CARMIL1: variants seen among roughly 807,000 people sequenced by gnomAD.
The protein encoded by CARMIL1 is F-actin-uncapping protein LRRC16A.
In CARMIL1, 90 loss-of-function variants were observed where a neutral mutation model predicts 177.1. The ratio of observed to expected loss-of-function variants is 0.51; its 90% CI spans 0.43 to 0.61. CARMIL1 has a LOEUF of 0.61. Among genes scored for constraint, CARMIL1 ranks in the 20% least tolerant of loss-of-function variants. CARMIL1 has a pLI of 0.00. For synonymous variants in CARMIL1, 577 were observed against 606.2 expected, an observed-to-expected ratio of 0.95 and a Z score of 0.71; for missense variants, 1,380 against 1,667.0, an observed-to-expected ratio of 0.83 and a Z score of 3.00.
At chr6:25,588,607 G>A (rs75594716) in intron 31 of CARMIL1, among the ~76,000 whole-genome samples, 4,685 of 152,280 alleles carry the variant, frequency 0.031, 84 homozygotes, top group Non-Finnish European at 0.048. Context: ...CAGGGATGGA[G>A]GCATGCTTAT....
intron 2 of CARMIL1, among the ~76,000 whole-genome samples, chr6:25,303,664 G>A (rs1010909669): frequency 2.0e-5 from 3 of 152,162 alleles, no homozygotes; most frequent in Non-Finnish European, 4.4e-5. Context: ...TTACACAAAG[G>A]GACTCTGTTT....
In CARMIL1 at chr6:25,556,696, T is replaced by TC. The variant is rs776341048; in HGVS notation, c.2593-4dup. 6.2e-6 allele frequency: 10 copies of TC among 1,612,092 alleles called. No individual in the cohort carries two copies. In the South Asian group the frequency reaches 1.1e-4, roughly 18 times the overall value. On this transcript the variant is annotated splice_polypyrimidine_tract_variant and splice_region_variant and intron_variant, in intron 28 of 36. Coordinates refer to ENST00000329474, the MANE Select transcript of CARMIL1 (RefSeq NM_017640.6). ...TTTCTCCTCGTACACGTCTTGACCT[T>TC]CTAGGCTGACCATTTCAGCAGACGT...
intron 35 of CARMIL1, among the ~76,000 whole-genome samples, chr6:25,608,272 C>A (rs946728607): frequency 4.6e-5 from 7 of 152,112 alleles, no homozygotes; most frequent in African/African-American, 1.4e-4. Flanking sequence ...GAGAGAGAGA[C>A]CACATTCAGA....
At chr6:25,410,711 C>T (rs1794829901) in intron 2 of CARMIL1, among the ~76,000 whole-genome samples, 2 of 152,160 alleles carry the variant, frequency 1.3e-5, no homozygotes. Flanking sequence ...CCTTATTAGT[C>T]CCTGCTTCTC....
intron 16 of CARMIL1, among the ~76,000 whole-genome samples, chr6:25,499,472 A>G (rs979658628): frequency 1.1e-4 from 16 of 152,120 alleles, no homozygotes; most frequent in African/African-American, 3.4e-4. Flanking sequence ...ATGGTGTTGG[A>G]TTTTATAGGA....
intron 11 of CARMIL1, among the ~76,000 whole-genome samples, chr6:25,476,487 C>T (rs1250314568): frequency 6.6e-6 from 1 of 152,212 alleles, no homozygotes; most frequent in Non-Finnish European, 1.5e-5. Context: ...TATCTCCCAC[C>T]TTTCTTTACT....
intron 4 of CARMIL1, among the ~76,000 whole-genome samples, chr6:25,428,874 A>T (rs1796492436): frequency 6.6e-6 from 1 of 152,170 alleles, no homozygotes; most frequent in Non-Finnish European, 1.5e-5. Context: ...TTGACCTTAT[A>T]TCCTGTAACC....
At chr6:25,534,293 C>T (rs752730719) in intron 24 of CARMIL1, among the ~76,000 whole-genome samples, 1 of 152,016 alleles carries the variant, frequency 6.6e-6, no homozygotes, top group African/African-American at 2.4e-5. Flanking sequence ...AAATGACGCT[C>T]TGTGCCTTGG....
intron 31 of CARMIL1, among the ~76,000 whole-genome samples, chr6:25,584,638 G>C (rs1288463495): frequency 6.6e-6 from 1 of 151,692 alleles, no homozygotes; most frequent in Non-Finnish European, 1.5e-5. Flanking sequence ...AGAGAAGTAG[G>C]ATTAGACAAA....
chr6:25,480,584 C>A (rs1349966109), intron 11 of CARMIL1, among the ~76,000 whole-genome samples: 1 of 149,766 alleles, frequency 6.7e-6, no homozygotes, highest in African/African-American at 2.4e-5. Context: ...TCAAATAAAT[C>A]ATCTTTGACT....
chr6:25,338,990 A>G (rs1291733965), intron 2 of CARMIL1, among the ~76,000 whole-genome samples: 1 of 152,064 alleles, frequency 6.6e-6, no homozygotes, highest in Non-Finnish European at 1.5e-5. Context: ...GATGAAATGT[A>G]TACATTCTAT....
chr6:25,281,874 G>A (rs1449004240), intron 1 of CARMIL1, among the ~76,000 whole-genome samples: 1 of 152,094 alleles, frequency 6.6e-6, no homozygotes, highest in Non-Finnish European at 1.5e-5. Context: ...TAGCACTTTG[G>A]GAGGCCGAGG....
intron 2 of CARMIL1, among the ~76,000 whole-genome samples, chr6:25,328,113 TAAA>T (rs1409917841): frequency 2.0e-5 from 3 of 152,308 alleles, no homozygotes; most frequent in Middle Eastern, 3.4e-3. Context: ...AATGAGCTAG[TAAA>T]GAAAACTATT....
intron 8 of CARMIL1, chr6:25,451,986 G>GCCCCCAC: frequency 8.9e-6 from 1 of 112,670 alleles, no homozygotes; most frequent in Non-Finnish European, 1.7e-5. Flanking sequence ...CTAGCATCTT[G>GCCCCCAC]CCCCCCCCTC....
chr6:25,347,980 A>C (rs1042729842), intron 2 of CARMIL1, among the ~76,000 whole-genome samples: 2 of 152,212 alleles, frequency 1.3e-5, no homozygotes, highest in African/African-American at 2.4e-5. Context: ...GTCCTCACTT[A>C]ATGTCATCGA....
chr6:25,609,087 C>T (rs1278071939), intron 35 of CARMIL1, among the ~76,000 whole-genome samples: 5 of 152,188 alleles, frequency 3.3e-5, no homozygotes, highest in African/African-American at 9.6e-5. Flanking sequence ...GGGCTGCATG[C>T]TTGTCCAATC....
intron 2 of CARMIL1, among the ~76,000 whole-genome samples, chr6:25,384,855 C>T (rs1175715461): frequency 1.3e-5 from 2 of 152,136 alleles, no homozygotes; most frequent in South Asian, 2.1e-4. Context: ...TTTTTCCTCT[C>T]GGCAAGCCTA....
chr6:25,434,284 T>A (rs1382098463), intron 4 of CARMIL1, among the ~76,000 whole-genome samples: 4 of 152,182 alleles, frequency 2.6e-5, no homozygotes, highest in Non-Finnish European at 4.4e-5. Context: ...AATGTGTACA[T>A]CTTCAGCTTC....
intron 2 of CARMIL1, among the ~76,000 whole-genome samples, chr6:25,341,088 A>G (rs1219227498): frequency 6.6e-6 from 1 of 152,150 alleles, no homozygotes; most frequent in Non-Finnish European, 1.5e-5. Context: ...CTAAGCACTC[A>G]CATCCTTGTT....
Sources: allele counts gnomAD v4.1 joint callset (sites outside exome capture counted in the v4.1 genomes callset), GRCh38; gene constraint gnomAD v4.1.1; transcripts MANE v1.5; gene names NCBI Gene and HGNC (gene_info 2026-07-23, HGNC 2026-07-21).